Variants in L2HGDH observed in about 807,000 individuals in gnomAD.
L2HGDH encodes the protein L-2-hydroxyglutarate dehydrogenase, mitochondrial.
A neutral mutation model predicts 51.5 loss-of-function variants in L2HGDH; 34 were observed. The ratio of observed to expected loss-of-function variants is 0.66; its 90% CI spans 0.50 to 0.88. The LOEUF is 0.88. Ranked by LOEUF, L2HGDH falls within the 40% of genes least tolerant of loss-of-function variation. The pLI is 0.00. For missense variants in L2HGDH, 558 were observed against 571.9 expected (o/e 0.98, Z 0.25); for synonymous variants, 198 against 197.9 (o/e 1.00, Z -0.01).
chr14:50,286,071 C>T (rs1890547352), intron 4 of L2HGDH, among the ~76,000 whole-genome samples: 1 of 152,162 alleles, frequency 6.6e-6, no homozygotes, highest in Non-Finnish European at 1.5e-5. Context: ...TGGGCATGAA[C>T]TGTCCAGGTC....
intron 1 of L2HGDH, among the ~76,000 whole-genome samples, chr14:50,309,393 T>A (rs557631038): frequency 3.9e-5 from 6 of 152,012 alleles, no homozygotes; most frequent in Admixed American, 2.0e-4. Context: ...TGAAACCCTA[T>A]CTCTACTCAA....
At chr14:50,293,587 T>C (rs1374444974) in intron 4 of L2HGDH, among the ~76,000 whole-genome samples, 1 of 151,882 alleles carries the variant, frequency 6.6e-6, no homozygotes, top group African/African-American at 2.4e-5. Flanking sequence ...CTGAAGACAA[T>C]ATTAAGAAAG....
At chr14:50,290,469 T>G (rs1224295517) in intron 4 of L2HGDH, among the ~76,000 whole-genome samples, 1 of 152,226 alleles carries the variant, frequency 6.6e-6, no homozygotes, top group East Asian at 1.9e-4. Flanking sequence ...CTTCGGTAGC[T>G]ATCTGCTATT....
In L2HGDH at chr14:50,297,499, G is replaced by C. The variant is rs568529249; in HGVS notation, c.409-3253C>G. Among the ~76,000 whole-genome samples the C allele has an allele frequency of 2.6e-5, 4 of 152,028 alleles. 1 individual carries two copies. Among genetic ancestry groups the C allele is most frequent in the African/African-American group, 9.6e-5 (4 of 41,458 alleles). On this transcript the variant is annotated intron_variant, in intron 3 of 9. Transcript: ENST00000267436. The stretch of plus-strand genomic sequence containing the variant: ...TAGCAATGAATTATAAAAAATGAAA[G>C]TAGGAAAACAATTCTCCTCACAAAA...
Position 50,242,865 on chromosome 14 carries a change from C to G in L2HGDH, c.*4193G>C. On this transcript the variant is annotated 3_prime_UTR_variant, in exon 10 of 10. Coordinates refer to ENST00000267436, the MANE Select transcript of L2HGDH (RefSeq NM_024884.3). The stretch of plus-strand genomic sequence containing the variant: ...AAGAAGTCTAGACACAGATTAAGGG[C>G]CCAGGAGGGCAGAGCCAGTCCTTAA... The G allele has an allele frequency of 1.0e-6, 1 of 985,402 alleles. No individual in the cohort carries two copies. Among genetic ancestry groups the G allele is most frequent in the Non-Finnish European group, 1.2e-6 (1 of 829,942 alleles). The allele number at this position is 985,402 out of a possible 1,614,324, so 61.0% of individuals were successfully genotyped here.
rs901058624 is a variant in L2HGDH at position 50,245,368 on chromosome 14, T to G, written c.*1690A>C. ...TGTCTCTTCTAAGTTATTTCAGTTC[T>G]CAGCCACAGAGATTGAAGAACAGGA... On this transcript the variant is annotated 3_prime_UTR_variant, in exon 10 of 10. Coordinates refer to ENST00000267436, the MANE Select transcript of L2HGDH (RefSeq NM_024884.3). 5 of 985,302 alleles carry G rather than the reference T, an allele frequency of 5.1e-6. No homozygotes were observed. In the African/African-American group the frequency reaches 8.7e-5, roughly 17 times the overall value. The allele number at this position is 985,302 out of a possible 1,614,324, so 61.0% of individuals were successfully genotyped here.
chr14:50,283,775 A>T, intron 5 of L2HGDH, 96 bp downstream of exon 5: 1 of 1,022,748 alleles, frequency 9.8e-7, no homozygotes, highest in East Asian at 2.4e-5. Context: ...TTTTTTCCCA[A>T]ATATTTTTCA....
intron 1 of L2HGDH, among the ~76,000 whole-genome samples, chr14:50,310,162 T>C (rs1000565441): frequency 2.0e-5 from 3 of 152,182 alleles, no homozygotes; most frequent in Non-Finnish European, 4.4e-5. Context: ...TATTGTACTA[T>C]AGTTATATAA....
chr14:50,287,042 G>C (rs1263241025), intron 4 of L2HGDH: 4 of 292,512 alleles, frequency 1.4e-5, no homozygotes, highest in African/African-American at 9.1e-5. Flanking sequence ...TTCTGAGTCA[G>C]ATCTTGAGGT....
Position 50,243,147 on chromosome 14 carries a change from A to AG in L2HGDH, c.*3910_*3911insC. 2.0e-6 allele frequency: 2 copies of AG among 985,458 alleles called. No individual in the cohort carries two copies. Among genetic ancestry groups the AG allele is most frequent in the Non-Finnish European group, 2.4e-6 (2 of 829,940 alleles). 61.0% of individuals were successfully genotyped at this position (985,458 alleles called of 1,614,324 possible). On this transcript the variant is annotated 3_prime_UTR_variant, in exon 10 of 10. Transcript: ENST00000267436. Reference sequence around the variant, plus strand: ...AAAGGCAACTCCCCAAACAGTGCTAATGCTGAGAGGATCAAGGGAAGGACT... The same window carrying AG: ...AAAGGCAACTCCCCAAACAGTGCTAAGTGCTGAGAGGATCAAGGGAAGGACT...
chr14:50,292,226 A>G (rs1258663869), intron 4 of L2HGDH, among the ~76,000 whole-genome samples: 1 of 152,214 alleles, frequency 6.6e-6, no homozygotes, highest in South Asian at 2.1e-4. Flanking sequence ...CCACACTACA[A>G]AGATGTAAAT....
At position 50,242,470 on chromosome 14, in the gene L2HGDH, T is replaced by C. The variant is rs111993945; in HGVS notation, c.*4588A>G. The C allele has an allele frequency of 1.6e-5, 16 of 983,612 alleles. No individual in the cohort carries two copies. In the African/African-American group the frequency reaches 1.9e-4, roughly 12 times the overall value. 60.9% of individuals were successfully genotyped at this position (983,612 alleles called of 1,614,324 possible). ...TAACTTTAATGTGAGATCCTTCCCA[T>C]AAGCAGAAAATACAAGCAATTAACA... On this transcript the variant is annotated 3_prime_UTR_variant, in exon 10 of 10. Coordinates refer to ENST00000267436, the MANE Select transcript of L2HGDH (RefSeq NM_024884.3).
chr14:50,301,966 C>T (rs769578789), intron 3 of L2HGDH, 51 bp downstream of exon 3: 1 of 1,580,764 alleles, frequency 6.3e-7, no homozygotes, highest in Non-Finnish European at 8.7e-7. Context: ...TTAAACATCA[C>T]TAAGCAAATG....
At chr14:50,255,130 T>C (rs1566503783) in intron 9 of L2HGDH, among the ~76,000 whole-genome samples, 2 of 152,116 alleles carry the variant, frequency 1.3e-5, no homozygotes. Context: ...ATGTTTAAAG[T>C]ACCAAATTTT....
chr14:50,282,241 G>GC (rs1344048688), intron 5 of L2HGDH, among the ~76,000 whole-genome samples: 1 of 152,058 alleles, frequency 6.6e-6, no homozygotes, highest in Non-Finnish European at 1.5e-5. Context: ...GCACCGGATA[G>GC]CCCCCTACGA....
Position 50,244,007 on chromosome 14 carries a change from T to C in L2HGDH, c.*3051A>G, listed in dbSNP as rs1887901675. On this transcript the variant is annotated 3_prime_UTR_variant, in exon 10 of 10. Transcript: ENST00000267436. ...TTCATCCATGTCCCTACAAAGGACATGAACTCATCATTTTTTATGGCTGCA... is the reference window on the plus strand; with the variant it reads ...TTCATCCATGTCCCTACAAAGGACACGAACTCATCATTTTTTATGGCTGCA... 6.6e-6 allele frequency: 1 copy of C among 151,054 alleles called. No individual in the cohort carries two copies. The highest frequency in any genetic ancestry group is 1.5e-5 in the Non-Finnish European group (1 of 67,490). The allele number at this position is 151,054 out of a possible 1,614,324, so 9.4% of individuals were successfully genotyped here.
intron 5 of L2HGDH, among the ~76,000 whole-genome samples, chr14:50,279,817 T>C (rs1193812342): frequency 2.0e-5 from 3 of 152,024 alleles, no homozygotes; most frequent in Non-Finnish European, 4.4e-5. Context: ...CCCCAGAACT[T>C]TGGGAGGCCG....
At chr14:50,268,381 G>GAA (rs769880130) in intron 7 of L2HGDH, among the ~76,000 whole-genome samples, 61 of 67,908 alleles carry the variant, frequency 9.0e-4, no homozygotes, top group Middle Eastern at 0.01. Context: ...TCTGTCTCAG[G>GAA]AAAAAAAAAA....
chr14:50,283,725 A>G (rs1225164846), intron 5 of L2HGDH, 146 bp downstream of exon 5: 4 of 636,768 alleles, frequency 6.3e-6, no homozygotes, highest in Non-Finnish European at 1.1e-5. Context: ...TATCTTTTTT[A>G]TTTGTATTAT....
Sources: gnomAD v4.1 joint callset for allele counts (sites outside exome capture counted in the v4.1 genomes callset) on GRCh38, gnomAD v4.1.1 for gene constraint, MANE v1.5 for transcripts, NCBI Gene and HGNC (gene_info 2026-07-23, HGNC 2026-07-21) for gene names.